The following UTY variants were observed in gnomAD, a reference collection of about 807,000 sequenced individuals.
UTY encodes ubiquitously transcribed tetratricopeptide repeat containing, Y-linked.
In UTY, 12 loss-of-function variants were observed where a neutral mutation model predicts 32.5. The ratio of observed to expected loss-of-function variants is 0.37; its 90% CI spans 0.24 to 0.60. UTY has a LOEUF of 0.60. UTY is among the 20% of genes least tolerant of loss of function. The pLI is 0.69. For synonymous variants in UTY, 131 were observed against 103.4 expected, an observed-to-expected ratio of 1.27 and a Z score of -1.62; for missense variants, 303 against 299.2, an observed-to-expected ratio of 1.01 and a Z score of -0.09.
intron 27 of UTY, among the ~76,000 whole-genome samples, chrY:13,284,899 C>T: frequency 5.8e-5 from 2 of 34,449 alleles, no homozygotes; most frequent in African/African-American, 2.3e-4. Context: ...CCCTGATTGT[C>T]CCCCTTCCGC....
At chrY:13,467,170 C>T (rs961584689) in intron 3 of UTY, among the ~76,000 whole-genome samples, 1 of 33,999 alleles carries the variant, frequency 2.9e-5, no homozygotes, top group Non-Finnish European at 7.3e-5. Flanking sequence ...TCCCAAAGTG[C>T]TGGGATTATA....
chrY:13,324,969 T>C, intron 19 of UTY, among the ~76,000 whole-genome samples: 1 of 33,576 alleles, frequency 3.0e-5, no homozygotes, highest in Non-Finnish European at 7.4e-5. Context: ...ATTTTAAATT[T>C]GATTCACTTT....
intron 4 of UTY, among the ~76,000 whole-genome samples, chrY:13,447,780 TACAGGTAGAAG>T (rs2076041353): frequency 3.0e-5 from 1 of 33,533 alleles, no homozygotes; most frequent in Non-Finnish European, 7.4e-5. Context: ...AGCTTTGAAT[TACAGGTAGAAG>T]ACAGCAAAAC....
At chrY:13,337,002 T>G in intron 17 of UTY, among the ~76,000 whole-genome samples, 1 of 33,234 alleles carries the variant, frequency 3.0e-5, no homozygotes, top group African/African-American at 1.2e-4. Context: ...GAAGGTTTTA[T>G]AGCTTCAAGC....
At chrY:13,477,642 C>A (rs2079193579) in intron 2 of UTY, among the ~76,000 whole-genome samples, 1 of 32,833 alleles carries the variant, frequency 3.0e-5, no homozygotes, top group African/African-American at 1.2e-4. Flanking sequence ...AAAATTTAAA[C>A]CCCATATTGT....
chrY:13,444,292 G>T, intron 4 of UTY, among the ~76,000 whole-genome samples: 1 of 33,512 alleles, frequency 3.0e-5, no homozygotes, highest in East Asian at 7.8e-4. Context: ...ATCAGGAACA[G>T]GCATCATCAG....
intron 25 of UTY, among the ~76,000 whole-genome samples, chrY:13,301,619 AATGC>A (rs2058377595): frequency 3.0e-5 from 1 of 33,659 alleles, no homozygotes; most frequent in African/African-American, 1.2e-4. Context: ...AAATCCTGAA[AATGC>A]CAGTTCCCAC....
At chrY:13,305,233 C>A (rs2058612414) in intron 24 of UTY, among the ~76,000 whole-genome samples, 166 bp downstream of exon 24, 1 of 32,619 alleles carries the variant, frequency 3.1e-5, no homozygotes, top group Non-Finnish European at 7.5e-5. Flanking sequence ...AAAAACAATA[C>A]CCTGAGCTCA....
intron 3 of UTY, among the ~76,000 whole-genome samples, chrY:13,465,117 A>C: frequency 3.0e-5 from 1 of 33,203 alleles, no homozygotes; most frequent in Non-Finnish European, 7.4e-5. Flanking sequence ...AAATAAATAC[A>C]TAAAAAATAA....
intron 4 of UTY, among the ~76,000 whole-genome samples, chrY:13,442,353 T>C (rs2075280693): frequency 3.0e-5 from 1 of 32,966 alleles, no homozygotes. Flanking sequence ...GTTTTCATCT[T>C]CTGGAGGATT....
chrY:13,472,173 G>A, intron 2 of UTY, among the ~76,000 whole-genome samples: 1 of 32,045 alleles, frequency 3.1e-5, no homozygotes, highest in Non-Finnish European at 7.6e-5. Context: ...ACAGGTGATT[G>A]AGGTTGCAGT....
chrY:13,328,271 A>G, intron 18 of UTY, among the ~76,000 whole-genome samples: 2 of 33,786 alleles, frequency 5.9e-5, no homozygotes, highest in African/African-American at 1.2e-4. Context: ...CAACAAAACA[A>G]TAAGACTAAG....
chrY:13,292,501 C>T (rs770359530), intron 27 of UTY, among the ~76,000 whole-genome samples: 7 of 28,689 alleles, frequency 2.4e-4, no homozygotes, highest in African/African-American at 9.5e-4. Flanking sequence ...AAAAGATATT[C>T]AGAAATATAA....
intron 28 of UTY, among the ~76,000 whole-genome samples, chrY:13,237,895 G>A: frequency 3.0e-5 from 1 of 33,683 alleles, no homozygotes; most frequent in Non-Finnish European, 7.4e-5. Flanking sequence ...GAGCCCAGCA[G>A]TGCTGGGGCT....
At chrY:13,306,761 C>T (rs2058716704) in intron 21 of UTY, among the ~76,000 whole-genome samples, 1 of 32,465 alleles carries the variant, frequency 3.1e-5, no homozygotes, top group Non-Finnish European at 7.5e-5. Context: ...AGTGCAGTGG[C>T]GTAATCTCAG....
chrY:13,316,853 GAAA>G (rs2059517776), intron 21 of UTY, among the ~76,000 whole-genome samples: 1 of 32,732 alleles, frequency 3.1e-5, no homozygotes, highest in Non-Finnish European at 7.5e-5. Flanking sequence ...AAAGGAAAAA[GAAA>G]AAGAGGAGAA....
At chrY:13,410,073 A>C (rs746160972) in intron 6 of UTY, among the ~76,000 whole-genome samples, 2 of 33,958 alleles carry the variant, frequency 5.9e-5, no homozygotes, top group South Asian at 1.3e-3. Flanking sequence ...AGTCCCTCTA[A>C]CAAATCACTG....
At chrY:13,326,686 C>T (rs866759139) in intron 18 of UTY, among the ~76,000 whole-genome samples, 5 of 33,900 alleles carry the variant, frequency 1.5e-4, no homozygotes, top group South Asian at 1.3e-3. Context: ...CATGTGCCAC[C>T]GTTAAATGTT....
chrY:13,410,989 C>T lies in UTY; in HGVS notation c.555+4G>A. 1 of 397,292 alleles carries T rather than the reference C, an allele frequency of 2.5e-6. No individual in the cohort carries two copies. Among genetic ancestry groups the T allele is most frequent in the Non-Finnish European group, 3.5e-6 (1 of 282,814 alleles). On this transcript the variant is annotated splice_donor_region_variant and intron_variant, in intron 6 of 29. Coordinates refer to ENST00000545955, the MANE Select transcript of UTY (RefSeq NM_001258249.2). ...TGTATGTGGGAAAAATCTCAACCACCTACCTTTAAACTAGACTTGTAGTCT... is the reference window on the plus strand; with the variant it reads ...TGTATGTGGGAAAAATCTCAACCACTTACCTTTAAACTAGACTTGTAGTCT...
Sources: gnomAD v4.1 joint callset for allele counts (sites outside exome capture counted in the v4.1 genomes callset) on GRCh38, gnomAD v4.1.1 for gene constraint, MANE v1.5 for transcripts, NCBI Gene and HGNC (gene_info 2026-07-23, HGNC 2026-07-21) for gene names.